TMEM187: variants seen among roughly 807,000 people sequenced by gnomAD.
The protein encoded by TMEM187 is transmembrane protein 187.
In TMEM187, 14 loss-of-function variants were observed where a neutral mutation model predicts 11.8. That is an observed-to-expected ratio of 1.18 (90% confidence interval 0.78 to 1.85). The LOEUF is 1.85. TMEM187 is among the 40% of genes most tolerant of loss of function. The pLI, the probability that TMEM187 is intolerant of heterozygous loss-of-function variation, is 0.00. For synonymous variants in TMEM187, 112 were observed against 118.5 expected, an observed-to-expected ratio of 0.95 and a Z score of 0.36; for missense variants, 227 against 243.9, an observed-to-expected ratio of 0.93 and a Z score of 0.46.
intron 1 of TMEM187, among the ~76,000 whole-genome samples, chrX:153,976,641 C>T (rs1603300516): frequency 1.8e-5 from 2 of 112,661 alleles, no homozygotes; most frequent in East Asian, 5.5e-4. Context: ...GTGAGAGGGT[C>T]GCTTGAGCCT....
In TMEM187 at chrX:153,982,324, G is replaced by A. The variant is rs781974966; in HGVS notation, c.262G>A (p.Val88Met). The change falls in exon 2 of 2, where the codon GTG (valine) becomes ATG (methionine). Residue 88 changes from valine (V) to methionine (M), a missense_variant. Coordinates refer to ENST00000369982, the MANE Select transcript of TMEM187 (RefSeq NM_003492.3). ...MGLGPRYLKDVFAAMALLYGP... is the reference protein window; with the variant it reads ...MGLGPRYLKDMFAAMALLYGP... ...GCTGGGTCCCCGCTACCTGAAGGAC[G>A]TGTTCGCAGCCATGGCCCTGCTCTA... 14 of 1,209,002 alleles carry A rather than the reference G, an allele frequency of 1.2e-5. No homozygotes were observed. Among genetic ancestry groups the A allele is most frequent in the Middle Eastern group, 2.4e-4 (1 of 4,251 alleles).
At position 153,981,944 on chromosome X, in the gene TMEM187, C is replaced by T. The variant is rs1284735401; in HGVS notation, c.-119C>T. 4 of 1,154,336 alleles carry T rather than the reference C, an allele frequency of 3.5e-6. No individual in the cohort carries two copies. The Admixed American group carries it at 7.2e-5, about 21-fold the overall frequency. On this transcript the variant is annotated 5_prime_UTR_variant, in exon 2 of 2. The change creates a new upstream start codon in the 5' untranslated region. Transcript: ENST00000369982. ...GTCGCAGCATCTGCCTCGGAAATCA[C>T]GAAATCACGGGGCTTCTTTCTGCTG...
chrX:153,978,073 G>A (rs1303548286), intron 1 of TMEM187, among the ~76,000 whole-genome samples: 1 of 99,028 alleles, frequency 1.0e-5, no homozygotes, highest in Non-Finnish European at 2.1e-5. Context: ...AAAATTAGCC[G>A]GGCTAATTTT....
chrX:153,977,788 G>A (rs1318459777), intron 1 of TMEM187, among the ~76,000 whole-genome samples: 3 of 108,800 alleles, frequency 2.8e-5, no homozygotes, highest in Admixed American at 9.8e-5. Flanking sequence ...GGTGGCGGGC[G>A]CCTGTAATCC....
rs1226198307 is a variant in TMEM187 at position 153,972,861 on chromosome X, G to A, written c.-214+1G>A. On this transcript the variant is annotated splice_donor_variant, in intron 1 of 1. Transcript: ENST00000369982. LOFTEE classifies it low-confidence loss of function (5UTR_SPLICE). ...TAGCTGGCCTTTTCGCGCCAATACTGTAAGTGCTCACCGCAGCCCTGGGAG... is the reference window on the plus strand; with the variant it reads ...TAGCTGGCCTTTTCGCGCCAATACTATAAGTGCTCACCGCAGCCCTGGGAG... 1 of 112,907 alleles carries A rather than the reference G, an allele frequency of 8.9e-6. No individual in the cohort carries two copies. The highest frequency in any genetic ancestry group is 1.9e-5 in the Non-Finnish European group (1 of 53,221). 9.3% of individuals were successfully genotyped at this position (112,907 alleles called of 1,213,427 possible).
At chrX:153,975,936 C>T (rs1178497618) in intron 1 of TMEM187, among the ~76,000 whole-genome samples, 1 of 110,660 alleles carries the variant, frequency 9.0e-6, no homozygotes. Flanking sequence ...TGAGCCACCG[C>T]GCTGGCCTCT....
chrX:153,973,332 CAA>C (rs782157295), intron 1 of TMEM187, among the ~76,000 whole-genome samples: 1 of 112,527 alleles, frequency 8.9e-6, no homozygotes, highest in African/African-American at 3.2e-5. Context: ...TGAGAAGGGA[CAA>C]AGAGAAGAAT....
chrX:153,978,325 G>A (rs2065584840), intron 1 of TMEM187, among the ~76,000 whole-genome samples: 2 of 105,334 alleles, frequency 1.9e-5, no homozygotes, highest in African/African-American at 6.9e-5. Context: ...CTGGAGTGCA[G>A]TGGCACGATC....
chrX:153,977,421 C>A (rs1398384990), intron 1 of TMEM187, among the ~76,000 whole-genome samples: 1 of 109,786 alleles, frequency 9.1e-6, no homozygotes, highest in East Asian at 2.8e-4. Flanking sequence ...TCAATACCAC[C>A]CCAGCCGATA....
chrX:153,980,041 A>T (rs1188634364), intron 1 of TMEM187, among the ~76,000 whole-genome samples: 2 of 108,675 alleles, frequency 1.8e-5, no homozygotes, highest in Non-Finnish European at 3.8e-5. Context: ...CTGGCCCAAA[A>T]TTTTTTTAAC....
At chrX:153,973,638 G>C (rs1349090453) in intron 1 of TMEM187, among the ~76,000 whole-genome samples, 1 of 111,278 alleles carries the variant, frequency 9.0e-6, no homozygotes, top group Admixed American at 9.6e-5. Flanking sequence ...AGCTGAGATC[G>C]CGCCACTGCT....
intron 1 of TMEM187, among the ~76,000 whole-genome samples, chrX:153,975,754 C>T (rs1339075666): frequency 4.9e-5 from 5 of 102,726 alleles, no homozygotes; most frequent in Non-Finnish European, 9.8e-5. Flanking sequence ...AAGCATTTCT[C>T]CTGCCCCAGC....
chrX:153,981,922 G>A lies in TMEM187; in HGVS notation c.-141G>A, dbSNP rs782547222. The A allele has an allele frequency of 1.9e-4, 205 of 1,078,210 alleles. No homozygotes were observed. The highest frequency in any genetic ancestry group is 3.5e-4 in the Middle Eastern group (1 of 2,888). The allele number at this position is 1,078,210 out of a possible 1,213,427, so 88.9% of individuals were successfully genotyped here. On this transcript the variant is annotated 5_prime_UTR_variant, in exon 2 of 2. Transcript: ENST00000369982. ...TCCTGCCTTCCTTCGGGGCAAGGTCGCAGCATCTGCCTCGGAAATCACGAA... is the reference window on the plus strand; with the variant it reads ...TCCTGCCTTCCTTCGGGGCAAGGTCACAGCATCTGCCTCGGAAATCACGAA...
chrX:153,973,828 G>T (rs1435692077), intron 1 of TMEM187, among the ~76,000 whole-genome samples: 1 of 112,342 alleles, frequency 8.9e-6, no homozygotes, highest in Non-Finnish European at 1.9e-5. Context: ...CGGAGCGGGG[G>T]ACATAACTAA....
At chrX:153,978,593 T>G (rs1290853216) in intron 1 of TMEM187, among the ~76,000 whole-genome samples, 10 of 86,856 alleles carry the variant, frequency 1.2e-4, no homozygotes, top group African/African-American at 4.6e-4. Flanking sequence ...TTTTTTTTTT[T>G]TGGGGGGGAG....
In TMEM187 at chrX:153,983,169, C is replaced by T. The variant is rs782503780; in HGVS notation, c.*321C>T. On this transcript the variant is annotated 3_prime_UTR_variant, in exon 2 of 2. Transcript: ENST00000369982. ...GGGAGTGGAAATGACACCAAGAAGC[C>T]CCTCATGCTCATGGTTGGACAGAGA... The T allele has an allele frequency of 3.8e-5, 13 of 340,743 alleles. No individual in the cohort carries two copies. Among genetic ancestry groups the T allele is most frequent in the Non-Finnish European group, 6.9e-5 (13 of 187,185 alleles). 28.1% of individuals were successfully genotyped at this position (340,743 alleles called of 1,213,427 possible). A position where few individuals can be genotyped will look rare whatever the true frequency, so the allele number is the denominator to read the frequency against.
At chrX:153,972,972 C>T (rs147211339) in intron 1 of TMEM187, 112 bp downstream of exon 1, 3,485 of 119,116 alleles carry the variant, frequency 0.029, 133 homozygotes, top group African/African-American at 0.11. Flanking sequence ...CGGCATCCGC[C>T]CTGCCACGCG....
rs950263049 is a variant in TMEM187 at position 153,973,626 on chromosome X, T to C, written c.-214+766T>C. 3.6e-5 allele frequency among the ~76,000 whole-genome samples: 4 copies of C among 110,765 alleles called. No individual in the cohort carries two copies. The East Asian group carries it at 1.1e-3, about 31-fold the overall frequency. On this transcript the variant is annotated intron_variant, in intron 1 of 1. Coordinates refer to ENST00000369982, the MANE Select transcript of TMEM187 (RefSeq NM_003492.3). ...TGAGCCAGGGAGTTCAGGGCTGCAG[T>C]GAGCTGAGATCGCGCCACTGCTCCA...
rs782353403 is a variant in TMEM187, at chrX:153,982,212, C to G, written c.150C>G (p.Ala50=). The G allele has an allele frequency of 2.5e-6, 3 of 1,212,601 alleles. No individual in the cohort carries two copies. In the Admixed American group the frequency reaches 6.5e-5, roughly 26 times the overall value. The change falls in exon 2 of 2, where the codon GCC becomes GCG. Residue 50 remains alanine (A), a synonymous_variant. Transcript: ENST00000369982. ...AGGCGCCCGTGGCCGGCCTCCCTGC[C>G]TTCCTGGCCATGCCGTTCAACTCAC... ...YAEAPVAGLP[A]FLAMPFNSLV...
Sources: gnomAD v4.1 joint callset for allele counts (sites outside exome capture counted in the v4.1 genomes callset) on GRCh38, gnomAD v4.1.1 for gene constraint, MANE v1.5 for transcripts, NCBI Gene and HGNC (gene_info 2026-07-23, HGNC 2026-07-21) for gene names.